TET1: variants seen among roughly 807,000 people sequenced by gnomAD.
TET1 encodes tet methylcytosine dioxygenase 1.
A neutral mutation model predicts 148.7 loss-of-function variants in TET1; 13 were observed. The ratio of observed to expected loss-of-function variants is 0.09; its 90% CI spans 0.06 to 0.14. The LOEUF (loss-of-function observed/expected upper bound fraction) is 0.14. TET1 is among the 10% of genes least tolerant of loss of function. The pLI is 1.00. For missense variants in TET1, 2,182 were observed against 2,553.8 expected (o/e 0.85, Z 3.14); for synonymous variants, 907 against 937.2 (o/e 0.97, Z 0.59).
intron 3 of TET1, chr10:68,632,582 T>C: frequency 1.9e-6 from 3 of 1,598,252 alleles, no homozygotes; most frequent in Admixed American, 1.7e-5. Context: ...TTGGTGACTT[T>C]GGGATGCTGG....
At chr10:68,680,749 C>T (rs1455639880) in intron 8 of TET1, among the ~76,000 whole-genome samples, 3 of 152,214 alleles carry the variant, frequency 2.0e-5, no homozygotes, top group Admixed American at 2.0e-4. Flanking sequence ...TCAAAGTCTT[C>T]TTCAATTTGT....
Position 68,692,018 on chromosome 10 carries a change from C to A in TET1, c.*204C>A. 1.8e-6 allele frequency: 1 copy of A among 558,048 alleles called. No homozygotes were observed. Among genetic ancestry groups the A allele is most frequent in the East Asian group, 3.0e-5 (1 of 33,644 alleles). 34.6% of individuals were successfully genotyped at this position (558,048 alleles called of 1,614,324 possible). On this transcript the variant is annotated 3_prime_UTR_variant, in exon 12 of 12. Coordinates refer to ENST00000373644, the MANE Select transcript of TET1 (RefSeq NM_030625.3). ...ATTGGTAGAAGGTGCACATTTTAAGCAAAAATAAAAGTTTTATAGTTTTAA... is the reference window on the plus strand; with the variant it reads ...ATTGGTAGAAGGTGCACATTTTAAGAAAAAATAAAAGTTTTATAGTTTTAA...
chr10:68,683,258 G>T (rs1030208446), intron 10 of TET1, among the ~76,000 whole-genome samples: 2 of 151,816 alleles, frequency 1.3e-5, no homozygotes, highest in Non-Finnish European at 2.9e-5. Flanking sequence ...TGGGAGGCAG[G>T]AGTACTTTTT....
chr10:68,576,048 T>G (rs2053727094), intron 2 of TET1, among the ~76,000 whole-genome samples: 2 of 147,438 alleles, frequency 1.4e-5, no homozygotes, highest in African/African-American at 5.0e-5. Flanking sequence ...AATAAATAAA[T>G]AAATGAATAA....
chr10:68,676,990 C>T (rs961023819), intron 8 of TET1, among the ~76,000 whole-genome samples: 50 of 152,154 alleles, frequency 3.3e-4, no homozygotes, highest in Non-Finnish European at 4.0e-4. Context: ...TCAAAGCAAA[C>T]GCCAGCAAGA....
chr10:68,631,996 C>G (rs1281985507), intron 3 of TET1, among the ~76,000 whole-genome samples: 6 of 151,614 alleles, frequency 4.0e-5, no homozygotes, highest in Admixed American at 4.0e-4. Context: ...GAGCATTCCA[C>G]GAAAGATGAC....
At chr10:68,632,662 A>G in intron 3 of TET1, 1 of 1,597,818 alleles carries the variant, frequency 6.3e-7, no homozygotes, top group Non-Finnish European at 8.6e-7. Context: ...AATTAAAAAG[A>G]AGATATTATA....
intron 11 of TET1, among the ~76,000 whole-genome samples, chr10:68,687,931 G>T (rs72799555): frequency 0.018 from 2,723 of 151,806 alleles, 47 homozygotes; most frequent in Non-Finnish European, 0.029. Flanking sequence ...GGGTTTTGGG[G>T]TTTTTTTTAA....
chr10:68,595,961 TACACACAC>T (rs781144879), intron 2 of TET1, among the ~76,000 whole-genome samples: 20 of 37,254 alleles, frequency 5.4e-4, no homozygotes, highest in East Asian at 2.4e-3. Context: ...TATATATATA[TACACACAC>T]ACACACACAT....
chr10:68,688,792 C>G (rs1253132982), intron 11 of TET1, among the ~76,000 whole-genome samples: 1 of 151,788 alleles, frequency 6.6e-6, no homozygotes, highest in Non-Finnish European at 1.5e-5. Flanking sequence ...TAATTCTGCC[C>G]CATATTTAAA....
chr10:68,575,183 G>A (rs1403105659), intron 2 of TET1, among the ~76,000 whole-genome samples: 2 of 151,828 alleles, frequency 1.3e-5, no homozygotes, highest in Non-Finnish European at 2.9e-5. Flanking sequence ...CAGGAGTTTG[G>A]GACGAGCCTG....
chr10:68,632,798 C>T, intron 3 of TET1: 2 of 927,148 alleles, frequency 2.2e-6, no homozygotes, highest in South Asian at 1.6e-5. Flanking sequence ...ATTTCATGTG[C>T]AATAAGCTCT....
chr10:68,690,452 C>T (rs1284273203), intron 11 of TET1, among the ~76,000 whole-genome samples: 1 of 152,028 alleles, frequency 6.6e-6, no homozygotes, highest in Non-Finnish European at 1.5e-5. Flanking sequence ...CTAAAAAATA[C>T]AAAAAATTAG....
intron 7 of TET1, among the ~76,000 whole-genome samples, chr10:68,669,518 GT>G (rs1057401253): frequency 1.6e-4 from 21 of 135,138 alleles, no homozygotes; most frequent in African/African-American, 3.3e-4. Context: ...TTTTGGGGGG[GT>G]TTTTTTTTGT....
intron 9 of TET1, among the ~76,000 whole-genome samples, chr10:68,682,273 C>T (rs376317734): frequency 1.3e-4 from 19 of 151,104 alleles, no homozygotes; most frequent in South Asian, 4.2e-4. Context: ...CACCACACCC[C>T]GCTAATTTTT....
chr10:68,691,089 GCTGATGGCCCTGGCATTT>G lies in TET1; in HGVS notation c.5688_5705del (p.Asp1897_Ser1902del). The G allele has an allele frequency of 6.2e-7, 1 of 1,614,254 alleles. No individual in the cohort carries two copies. Among genetic ancestry groups the G allele is most frequent in the Non-Finnish European group, 8.5e-7 (1 of 1,180,052 alleles). Reference sequence around the variant, plus strand: ...ACTCAGTGGTGCCAATGCAGCTGCTGCTGATGGCCCTGGCATTTCACAGCTTGGCGAAGTGGCTCCTCT... The same window carrying G: ...ACTCAGTGGTGCCAATGCAGCTGCTGCACAGCTTGGCGAAGTGGCTCCTCT... On this transcript the variant is annotated inframe_deletion, in exon 12 of 12. Transcript: ENST00000373644. This position sits in a 1 kb window ranked among gnomAD's most constrained non-coding sequence, Gnocchi z 4.4.
rs886689964 is a variant in TET1, at chr10:68,671,758, A to C, written c.4674-1137A>C. Among the ~76,000 whole-genome samples, 7 of 152,310 alleles carry C rather than the reference A, an allele frequency of 4.6e-5. No homozygotes were observed. The East Asian group carries it at 7.7e-4, about 17-fold the overall frequency. ...TTATGCACTTTTTAAAGTTTTTAAAATTCAGAAACTGTTTTGTTTTTGTTT... is the reference window on the plus strand; with the variant it reads ...TTATGCACTTTTTAAAGTTTTTAAACTTCAGAAACTGTTTTGTTTTTGTTT... On this transcript the variant is annotated intron_variant, in intron 7 of 11. Transcript: ENST00000373644.
chr10:68,607,026 G>C (rs1055793427), intron 3 of TET1, among the ~76,000 whole-genome samples: 1 of 152,058 alleles, frequency 6.6e-6, no homozygotes, highest in Non-Finnish European at 1.5e-5. Context: ...ACAGGCATTC[G>C]TTTATCACTG....
At chr10:68,674,458 T>C (rs2055322876) in intron 8 of TET1, 1 of 397,464 alleles carries the variant, frequency 2.5e-6, no homozygotes, top group Admixed American at 3.1e-5. Flanking sequence ...GGGAAGACAC[T>C]AGTCACCAGA....
Sources: gnomAD v4.1 joint callset for allele counts (sites outside exome capture counted in the v4.1 genomes callset) on GRCh38, gnomAD v4.1.1 for gene constraint, Gnocchi (gnomAD v3.1) non-coding constraint, MANE v1.5 for transcripts, NCBI Gene and HGNC (gene_info 2026-07-23, HGNC 2026-07-21) for gene names.